SGCZ: variants seen among roughly 807,000 people sequenced by gnomAD.
SGCZ encodes sarcoglycan zeta.
A neutral mutation model predicts 41.3 loss-of-function variants in SGCZ; 40 were observed. That is an observed-to-expected ratio of 0.97 (90% CI 0.75 to 1.26). The LOEUF is 1.26. Among genes scored for constraint, SGCZ ranks in the 50% most tolerant of loss-of-function variants. SGCZ has a pLI of 0.00. For synonymous variants in SGCZ, 206 were observed against 137.5 expected, an observed-to-expected ratio of 1.50 and a Z score of -3.49; for missense variants, 552 against 369.8, an observed-to-expected ratio of 1.49 and a Z score of -4.04.
At chr8:14,458,030 A>T (rs887794524) in intron 2 of SGCZ, among the ~76,000 whole-genome samples, 3 of 152,092 alleles carry the variant, frequency 2.0e-5, no homozygotes, top group Admixed American at 1.3e-4. Flanking sequence ...CTGTAGAACC[A>T]TGGGTCAATC....
intron 2 of SGCZ, among the ~76,000 whole-genome samples, chr8:14,528,834 A>AAAAT (rs1554532903): frequency 9.4e-6 from 1 of 106,360 alleles, no homozygotes; most frequent in African/African-American, 4.4e-5. Context: ...AGCCAAAAAA[A>AAAAT]AAACAAAACA....
chr8:14,621,749 C>A (rs555442510), intron 1 of SGCZ, among the ~76,000 whole-genome samples: 1 of 152,156 alleles, frequency 6.6e-6, no homozygotes, highest in Admixed American at 6.5e-5. Context: ...ATGGGGGAAA[C>A]CCACTCCCAT....
chr8:14,520,414 T>A (rs1397863188), intron 2 of SGCZ, among the ~76,000 whole-genome samples: 1 of 152,118 alleles, frequency 6.6e-6, no homozygotes, highest in African/African-American at 2.4e-5. Flanking sequence ...AAACAGTTAA[T>A]AACATTAAAA....
chr8:14,621,620 G>A (rs1001595631), intron 1 of SGCZ, among the ~76,000 whole-genome samples: 44 of 152,028 alleles, frequency 2.9e-4, no homozygotes, highest in African/African-American at 1.0e-3. Flanking sequence ...GAAGGTGAAG[G>A]GGAGGCTTAT....
chr8:14,353,436 C>G (rs186307572), intron 2 of SGCZ, among the ~76,000 whole-genome samples: 27 of 152,132 alleles, frequency 1.8e-4, no homozygotes, highest in African/African-American at 6.5e-4. Context: ...CTCTTTAGAA[C>G]CCAGACCACT....
chr8:14,848,549 C>T (rs143342262), intron 1 of SGCZ, among the ~76,000 whole-genome samples: 3 of 152,214 alleles, frequency 2.0e-5, no homozygotes, highest in Non-Finnish European at 2.9e-5. Context: ...GATATAGACC[C>T]ACACACGTAT....
intron 1 of SGCZ, among the ~76,000 whole-genome samples, chr8:14,786,095 A>T (rs1800758137): frequency 7.2e-6 from 1 of 139,192 alleles, no homozygotes; most frequent in Admixed American, 6.9e-5. Flanking sequence ...ACTGAAAAAA[A>T]TGAGATTATT....
chr8:15,147,017 A>C (rs1003592934), intron 1 of SGCZ, among the ~76,000 whole-genome samples: 14 of 152,308 alleles, frequency 9.2e-5, no homozygotes, highest in African/African-American at 3.4e-4. Context: ...ACTGGAAGGC[A>C]ATTTTCAATA....
chr8:14,850,413 A>T (rs985326002), intron 1 of SGCZ, among the ~76,000 whole-genome samples: 2 of 152,174 alleles, frequency 1.3e-5, no homozygotes, highest in African/African-American at 4.8e-5. Context: ...AAGACAGAAG[A>T]TGGAGAAAAC....
At chr8:14,960,291 C>T (rs972321485) in intron 1 of SGCZ, among the ~76,000 whole-genome samples, 3 of 151,916 alleles carry the variant, frequency 2.0e-5, no homozygotes, top group Non-Finnish European at 4.4e-5. Flanking sequence ...TCTATAATTT[C>T]CTTGGCTTGA....
chr8:14,394,935 T>A (rs995244432), intron 2 of SGCZ, among the ~76,000 whole-genome samples: 2 of 152,188 alleles, frequency 1.3e-5, no homozygotes, highest in Non-Finnish European at 2.9e-5. Context: ...TGGATTTGTA[T>A]CTAGATTTCC....
intron 1 of SGCZ, among the ~76,000 whole-genome samples, chr8:14,729,767 A>C (rs1018353401): frequency 3.3e-5 from 5 of 152,232 alleles, no homozygotes; most frequent in Non-Finnish European, 5.9e-5. Context: ...AGTGCTACAA[A>C]ACCTACCATT....
chr8:14,182,934 C>A (rs1388625579), intron 4 of SGCZ, among the ~76,000 whole-genome samples: 1 of 150,224 alleles, frequency 6.7e-6, no homozygotes, highest in Non-Finnish European at 1.5e-5. Flanking sequence ...CGCTTGAACC[C>A]AGGAGGCAGA....
intron 1 of SGCZ, among the ~76,000 whole-genome samples, chr8:14,839,191 T>C (rs1167154126): frequency 2.0e-5 from 3 of 152,084 alleles, no homozygotes; most frequent in Non-Finnish European, 4.4e-5. Flanking sequence ...CGGGGTGATA[T>C]ATTTTGAAAG....
chr8:14,539,870 G>A (rs1224393765), intron 2 of SGCZ, among the ~76,000 whole-genome samples: 1 of 151,960 alleles, frequency 6.6e-6, no homozygotes, highest in Admixed American at 6.6e-5. Flanking sequence ...ATGCAGAGAT[G>A]TCAGATAGAA....
At chr8:14,757,852 T>C (rs1799727466) in intron 1 of SGCZ, among the ~76,000 whole-genome samples, 1 of 152,196 alleles carries the variant, frequency 6.6e-6, no homozygotes, top group African/African-American at 2.4e-5. Flanking sequence ...ATGGTAACTA[T>C]AAAATGGAAA....
intron 2 of SGCZ, among the ~76,000 whole-genome samples, chr8:14,443,614 A>G (rs1800340970): frequency 6.6e-6 from 1 of 152,226 alleles, no homozygotes; most frequent in Admixed American, 6.5e-5. Flanking sequence ...CCATATGTAG[A>G]AAGCTGAAAC....
intron 1 of SGCZ, among the ~76,000 whole-genome samples, chr8:14,577,289 T>G (rs1804739528): frequency 6.6e-6 from 1 of 152,150 alleles, no homozygotes; most frequent in South Asian, 2.1e-4. Context: ...GTCATAAATA[T>G]TTCAATTTTT....
intron 1 of SGCZ, among the ~76,000 whole-genome samples, chr8:15,123,951 G>A (rs1255297666): frequency 1.3e-5 from 2 of 152,146 alleles, no homozygotes; most frequent in East Asian, 1.9e-4. Context: ...GGTGGGTTGG[G>A]CAAGAGGAAG....
Sources: allele counts gnomAD v4.1 joint callset (sites outside exome capture counted in the v4.1 genomes callset), GRCh38; gene constraint gnomAD v4.1.1; transcripts MANE v1.5; gene names NCBI Gene and HGNC (gene_info 2026-07-23, HGNC 2026-07-21).